LPP: variants seen among roughly 807,000 people sequenced by gnomAD.
LPP encodes lipoma-preferred partner.
Under a neutral mutation model 60.4 loss-of-function variants are expected in LPP, and 38 were observed. That is an observed-to-expected ratio of 0.63 (90% CI 0.49 to 0.83). The LOEUF (loss-of-function observed/expected upper bound fraction) is 0.83. LPP is among the 40% of genes least tolerant of loss of function. The pLI, the probability that LPP is intolerant of heterozygous loss-of-function variation, is 0.00. For synonymous variants in LPP, 328 were observed against 290.8 expected (o/e 1.13, Z -1.30); for missense variants, 902 against 783.6 (o/e 1.15, Z -1.80).
chr3:188,289,440 A>G (rs1031314217), intron 2 of LPP, among the ~76,000 whole-genome samples: 5 of 152,232 alleles, frequency 3.3e-5, no homozygotes, highest in Non-Finnish European at 7.3e-5. Flanking sequence ...AATATTGAGC[A>G]CTTATGTGAT....
intron 2 of LPP, among the ~76,000 whole-genome samples, chr3:188,305,143 G>T (rs1414436379): frequency 6.6e-6 from 1 of 152,076 alleles, no homozygotes; most frequent in African/African-American, 2.4e-5. Flanking sequence ...GTTCTTTGAA[G>T]TCAATGTACT....
intron 2 of LPP, among the ~76,000 whole-genome samples, chr3:188,250,102 A>T (rs114994955): frequency 0.013 from 2,051 of 152,262 alleles, 28 homozygotes; most frequent in Non-Finnish European, 0.018. Flanking sequence ...CAGGTGGCTC[A>T]GTTCTGTCCT....
Position 188,708,357 on chromosome 3 carries a change from T to C in LPP, c.1204T>C (p.Tyr402His), listed in dbSNP as rs757495407. 4 of 1,614,198 alleles carry C rather than the reference T, an allele frequency of 2.5e-6. No homozygotes were observed. The Admixed American group carries it at 6.7e-5, about 27-fold the overall frequency. Residue 402 changes from tyrosine to histidine, a missense_variant, in exon 8 of 12, where the codon TAT becomes CAT. Physicochemically the swap from Tyr to His is moderately conservative, Grantham distance 83 (BLOSUM62 2). Coordinates refer to ENST00000617246, the MANE Select transcript of LPP (RefSeq NM_001375462.1). ...ELEHLTKKML[Y>H]DMENPPADEY... ...TGAGCACCTGACCAAAAAGATGCTG[T>C]ATGACATGGAAAATCCACCTGCTGA...
intron 4 of LPP, among the ~76,000 whole-genome samples, chr3:188,483,254 T>C (rs746002249): frequency 3.3e-5 from 5 of 152,214 alleles, no homozygotes; most frequent in Middle Eastern, 3.2e-3. Context: ...AGAGGCAAAC[T>C]GAACCATTTC....
chr3:188,697,991 G>A (rs1001305862), intron 7 of LPP, among the ~76,000 whole-genome samples: 12 of 152,314 alleles, frequency 7.9e-5, no homozygotes, highest in African/African-American at 2.9e-4. Context: ...AGTCAGGGCT[G>A]GAGCCGTGGC....
chr3:188,285,970 C>G (rs1364436472), intron 2 of LPP, among the ~76,000 whole-genome samples: 1 of 152,140 alleles, frequency 6.6e-6, no homozygotes, highest in African/African-American at 2.4e-5. Flanking sequence ...TTTTGGAGCA[C>G]ATTTTGTCTT....
chr3:188,227,007 C>G (rs1718009633), intron 2 of LPP, among the ~76,000 whole-genome samples: 1 of 152,006 alleles, frequency 6.6e-6, no homozygotes, highest in Non-Finnish European at 1.5e-5. Context: ...AATGAAAAAT[C>G]TTTGTCACCT....
At position 188,886,737 on chromosome 3, in the gene LPP, T is replaced by TACACACACACACACACAC. The variant is rs755287902; in HGVS notation, c.*12269_*12286dup. 4.3e-4 allele frequency: 82 copies of TACACACACACACACACAC among 190,468 alleles called. 2 individuals carry two copies. The South Asian group carries it at 6.5e-3, about 15-fold the overall frequency. 11.8% of individuals were successfully genotyped at this position (190,468 alleles called of 1,614,324 possible). On this transcript the variant is annotated 3_prime_UTR_variant, in exon 12 of 12. Coordinates refer to ENST00000617246, the MANE Select transcript of LPP (RefSeq NM_001375462.1). ...TCTTCAAAACACACACACACACACA[T>TACACACACACACACACAC]ACACACACACACACACACACACACA...
chr3:188,736,210 A>C (rs1722452038), intron 8 of LPP, among the ~76,000 whole-genome samples: 1 of 152,198 alleles, frequency 6.6e-6, no homozygotes, highest in Non-Finnish European at 1.5e-5. Context: ...ATCAATCACA[A>C]AATAATTTAT....
At chr3:188,224,890 A>G (rs1431092958) in intron 1 of LPP, among the ~76,000 whole-genome samples, 1 of 152,132 alleles carries the variant, frequency 6.6e-6, no homozygotes, top group Non-Finnish European at 1.5e-5. Context: ...TTACAACTCA[A>G]CATGAAATTC....
chr3:188,771,007 T>G (rs925650316), intron 9 of LPP, among the ~76,000 whole-genome samples: 1 of 152,234 alleles, frequency 6.6e-6, no homozygotes, highest in Non-Finnish European at 1.5e-5. Context: ...CTTTCCCTTC[T>G]TTGTAGTTTA....
chr3:188,805,251 G>T (rs1164494183), intron 9 of LPP, among the ~76,000 whole-genome samples: 1 of 151,990 alleles, frequency 6.6e-6, no homozygotes, highest in African/African-American at 2.4e-5. Flanking sequence ...TATTCTGGAA[G>T]AATTTGTATG....
At chr3:188,374,684 TTAA>T (rs1774395682) in intron 3 of LPP, among the ~76,000 whole-genome samples, 2 of 152,146 alleles carry the variant, frequency 1.3e-5, no homozygotes, top group Admixed American at 1.3e-4. Context: ...TTTTCCTAAT[TTAA>T]TACCCTTTAT....
intron 1 of LPP, among the ~76,000 whole-genome samples, chr3:188,176,394 G>T (rs1577116039): frequency 6.6e-6 from 1 of 152,098 alleles, no homozygotes; most frequent in Non-Finnish European, 1.5e-5. Context: ...GATTTGCCTA[G>T]AGTCACACAC....
chr3:188,808,881 T>A (rs1750007910), intron 9 of LPP, among the ~76,000 whole-genome samples: 1 of 152,144 alleles, frequency 6.6e-6, no homozygotes, highest in Non-Finnish European at 1.5e-5. Flanking sequence ...TCTCCCTGTG[T>A]CCATGTGATC....
At chr3:188,509,984 T>G (rs1362848974) in intron 5 of LPP, among the ~76,000 whole-genome samples, 4 of 150,966 alleles carry the variant, frequency 2.6e-5, no homozygotes, top group Non-Finnish European at 1.5e-5. Flanking sequence ...CCCAAAGTGC[T>G]GGGATTAGAG....
At chr3:188,783,884 C>T (rs1287375728) in intron 9 of LPP, among the ~76,000 whole-genome samples, 1 of 41,632 alleles carries the variant, frequency 2.4e-5, no homozygotes, top group East Asian at 1.5e-3. Context: ...TCTTACAAAA[C>T]TGTCCCTCCC....
intron 2 of LPP, among the ~76,000 whole-genome samples, chr3:188,234,488 CT>C: frequency 6.6e-6 from 1 of 152,170 alleles, no homozygotes. Context: ...TGCTTTTGGA[CT>C]AGGTGATTTA....
chr3:188,449,142 C>T lies in LPP; in HGVS notation c.194-35450C>T, dbSNP rs1210974404. On this transcript the variant is annotated intron_variant, in intron 4 of 11. Coordinates refer to ENST00000617246, the MANE Select transcript of LPP (RefSeq NM_001375462.1). ...GTTTTGAAACTTTTACTTTACTGCACGTCTGTTGACATGATTCCATGAATA... is the reference window on the plus strand; with the variant it reads ...GTTTTGAAACTTTTACTTTACTGCATGTCTGTTGACATGATTCCATGAATA... Among the ~76,000 whole-genome samples, 6 of 152,144 alleles carry T rather than the reference C, an allele frequency of 3.9e-5. 1 individual carries two copies. Among genetic ancestry groups the T allele is most frequent in the African/African-American group, 1.4e-4 (6 of 41,436 alleles).
Sources: allele counts gnomAD v4.1 joint callset (sites outside exome capture counted in the v4.1 genomes callset), GRCh38; gene constraint gnomAD v4.1.1; transcripts MANE v1.5; gene names NCBI Gene and HGNC (gene_info 2026-07-23, HGNC 2026-07-21).